The following DNAH5 variants were observed in gnomAD, a reference collection of about 807,000 sequenced individuals.
DNAH5 encodes the protein axonemal beta dynein heavy chain 5.
DNAH5 carries 372 observed loss-of-function variants against 518.2 expected under a neutral mutation model. The ratio of observed to expected loss-of-function variants is 0.72; its 90% CI spans 0.66 to 0.78. DNAH5 has a LOEUF of 0.78. Ranked by LOEUF, DNAH5 falls within the 30% of genes least tolerant of loss-of-function variation. The pLI, the probability that DNAH5 is intolerant of heterozygous loss-of-function variation, is 0.00. For synonymous variants in DNAH5, 2,039 were observed against 2,025.9 expected, an observed-to-expected ratio of 1.01 and a Z score of -0.17; for missense variants, 5,523 against 5,687.0, an observed-to-expected ratio of 0.97 and a Z score of 0.93.
At chr5:13,750,437 A>G (rs561907718) in intron 65 of DNAH5, among the ~76,000 whole-genome samples, 1 of 152,352 alleles carries the variant, frequency 6.6e-6, no homozygotes, top group Admixed American at 6.5e-5. Context: ...TTCATTGAGC[A>G]TTAAGTTATT....
At chr5:13,914,110 T>A (rs1776361796) in intron 10 of DNAH5, 152 bp from the exon 11 acceptor site, 2 of 964,608 alleles carry the variant, frequency 2.1e-6, no homozygotes, top group Non-Finnish European at 3.0e-6. Flanking sequence ...GCCTGGAAAA[T>A]CATCTTTTCA....
intron 58 of DNAH5, among the ~76,000 whole-genome samples, chr5:13,768,463 G>A (rs1240595839): frequency 6.6e-6 from 1 of 152,186 alleles, no homozygotes; most frequent in East Asian, 1.9e-4. Context: ...TATACAGTGT[G>A]AACACAGACT....
chr5:13,852,135 C>A (rs1295495700), intron 30 of DNAH5, among the ~76,000 whole-genome samples: 1 of 152,034 alleles, frequency 6.6e-6, no homozygotes, highest in Non-Finnish European at 1.5e-5. Flanking sequence ...ATTCGGTGGC[C>A]GTTTGGGTAG....
intron 70 of DNAH5, among the ~76,000 whole-genome samples, chr5:13,727,241 A>C (rs6876673): frequency 6.6e-6 from 1 of 151,994 alleles, no homozygotes; most frequent in South Asian, 2.1e-4. Flanking sequence ...TTATACCTAT[A>C]TGCCAACCTT....
At chr5:13,697,421 C>G (rs1180585517) in intron 78 of DNAH5, among the ~76,000 whole-genome samples, 1 of 152,206 alleles carries the variant, frequency 6.6e-6, no homozygotes, top group African/African-American at 2.4e-5. Flanking sequence ...TCAACTCTCC[C>G]CTTCACAGGC....
rs551925113 is a variant in DNAH5, at chr5:13,803,379, A to G, written c.7887+4212T>C. On this transcript the variant is annotated intron_variant, in intron 47 of 78. Coordinates refer to ENST00000265104, the MANE Select transcript of DNAH5 (RefSeq NM_001369.3). ...AATATGTCAAAAATCACATGAAAAT[A>G]CAATAATGCATAACTGAAGCTAAAA... Among the ~76,000 whole-genome samples, 15 of 152,362 alleles carry G rather than the reference A, an allele frequency of 9.8e-5. No individual in the cohort carries two copies. In the East Asian group the frequency reaches 2.1e-3, roughly 22 times the overall value.
chr5:13,757,285 T>G (rs533664188), intron 61 of DNAH5, among the ~76,000 whole-genome samples: 2 of 152,242 alleles, frequency 1.3e-5, no homozygotes, highest in African/African-American at 4.8e-5. Flanking sequence ...TGCCACACTA[T>G]CTACCAGAAT....
rs138157585 is a variant in DNAH5, at chr5:13,864,484, G to T, written c.4509C>A (p.Thr1503=). 6.2e-7 allele frequency: 1 copy of T among 1,613,916 alleles called. No homozygotes were observed. The highest frequency in any genetic ancestry group is 1.1e-5 in the South Asian group (1 of 91,064). ...CATTCCCCACATCCAGACTGTGCCC[G>T]GTGAGGGTGGTTATCCTTTCCCAGT... ...ERHWERITTL[T]GHSLDVGNES... is the part of the protein sequence containing the mutation. Residue 1503 remains threonine, a synonymous_variant, in exon 28 of 79, where the codon ACC becomes ACA. Transcript: ENST00000265104.
chr5:13,892,284 C>A (rs916843298), intron 16 of DNAH5, among the ~76,000 whole-genome samples: 1 of 152,098 alleles, frequency 6.6e-6, no homozygotes. Flanking sequence ...CTGTGTTAAG[C>A]TGAAAAAAAT....
chr5:14,001,361 TTTG>T (rs1344010540), intron 1 of DNAH5, among the ~76,000 whole-genome samples: 6 of 152,200 alleles, frequency 3.9e-5, no homozygotes, highest in East Asian at 3.9e-4. Flanking sequence ...TTTTGTTTTT[TTTG>T]TTGTTGTTGT....
intron 35 of DNAH5, among the ~76,000 whole-genome samples, chr5:13,831,735 C>T (rs1019627995): frequency 6.6e-6 from 1 of 152,222 alleles, no homozygotes; most frequent in Non-Finnish European, 1.5e-5. Context: ...CTCACTTTGA[C>T]TCTGCCTTTT....
chr5:13,871,782 G>T lies in DNAH5; in HGVS notation c.3397-17C>A. 1.2e-6 allele frequency: 2 copies of T among 1,605,432 alleles called. No homozygotes were observed. The highest frequency in any genetic ancestry group is 1.7e-6 in the Non-Finnish European group (2 of 1,172,476). On this transcript the variant is annotated splice_polypyrimidine_tract_variant and intron_variant, in intron 22 of 78. Coordinates refer to ENST00000265104, the MANE Select transcript of DNAH5 (RefSeq NM_001369.3). The stretch of plus-strand genomic sequence containing the variant: ...AATAACTTCCTGAATGCAAATAACA[G>T]ATTTATGTTAAGAAGGAAGAATCTG...
chr5:13,704,120 A>AT (rs1742475964), intron 76 of DNAH5, among the ~76,000 whole-genome samples: 1 of 152,348 alleles, frequency 6.6e-6, no homozygotes, highest in African/African-American at 2.4e-5. Flanking sequence ...GGGTGCAGCT[A>AT]TAACAGCAGC....
chr5:13,692,093 T>C lies in DNAH5; in HGVS notation c.13766A>G (p.Lys4589Arg). ...GTAGTTCAAGTCCGTTCGAACTGGC[T>C]TCTTATAGATGGGACAGGAGTAAAA... ...PRFYSCPIYK[K>R]PVRTDLNYIA... The change falls in exon 79 of 79, where the codon AAG (lysine) becomes AGG (arginine). Residue 4589 changes from lysine to arginine, a missense_variant. Physicochemically the swap from Lys to Arg is conservative, Grantham distance 26 (BLOSUM62 2). Coordinates refer to ENST00000265104, the MANE Select transcript of DNAH5 (RefSeq NM_001369.3). The C allele has an allele frequency of 6.2e-7, 1 of 1,614,050 alleles. No homozygotes were observed. Among genetic ancestry groups the C allele is most frequent in the Non-Finnish European group, 8.5e-7 (1 of 1,179,966 alleles).
At chr5:13,957,356 G>C (rs10070815) in intron 1 of DNAH5, among the ~76,000 whole-genome samples, 110,866 of 152,102 alleles carry the variant, frequency 0.73, 42,263 homozygotes, top group East Asian at 0.9. Flanking sequence ...GTACATCAAA[G>C]GTTATCAATT....
chr5:13,949,843 T>C (rs1003673125), intron 1 of DNAH5, among the ~76,000 whole-genome samples: 10 of 152,342 alleles, frequency 6.6e-5, no homozygotes, highest in East Asian at 3.9e-4. Flanking sequence ...AATAATGTTG[T>C]CCTGGCTTTA....
chr5:13,961,585 A>G (rs1390897084), intron 1 of DNAH5, among the ~76,000 whole-genome samples: 2 of 152,220 alleles, frequency 1.3e-5, no homozygotes, highest in Non-Finnish European at 2.9e-5. Context: ...CAGAGGTTGC[A>G]GTGAGCCAAG....
At chr5:13,783,245 C>A (rs1755465081) in intron 52 of DNAH5, among the ~76,000 whole-genome samples, 2 of 152,140 alleles carry the variant, frequency 1.3e-5, no homozygotes, top group African/African-American at 2.4e-5. Flanking sequence ...GGGGTGAGAA[C>A]TTCAGTATGA....
At chr5:13,785,151 C>T (rs904088839) in intron 52 of DNAH5, among the ~76,000 whole-genome samples, 12 of 152,056 alleles carry the variant, frequency 7.9e-5, no homozygotes, top group Non-Finnish European at 1.2e-4. Context: ...ATGGTCCCAT[C>T]TGAGGGTGAT....
Sources: allele counts gnomAD v4.1 joint callset (sites outside exome capture counted in the v4.1 genomes callset), GRCh38; gene constraint gnomAD v4.1.1; transcripts MANE v1.5; gene names NCBI Gene and HGNC (gene_info 2026-07-23, HGNC 2026-07-21).